The following GRM7 variants were observed in gnomAD, a reference collection of about 807,000 sequenced individuals.
The protein encoded by GRM7 is glutamate metabotropic receptor 7.
Under a neutral mutation model 84.5 loss-of-function variants are expected in GRM7, and 35 were observed. The observed-to-expected ratio is 0.41, with a 90% CI of 0.32 to 0.55. GRM7 has a LOEUF of 0.55. GRM7 is among the 20% of genes least tolerant of loss of function. The pLI is 0.19. For synonymous variants in GRM7, 487 were observed against 455.1 expected (o/e 1.07, Z -0.89); for missense variants, 1,003 against 1,194.6 (o/e 0.84, Z 2.36).
intron 5 of GRM7, among the ~76,000 whole-genome samples, chr3:7,420,256 A>C (rs1696340623): frequency 6.8e-6 from 1 of 147,044 alleles, no homozygotes; most frequent in Admixed American, 7.0e-5. Context: ...TATGTGCAGA[A>C]ATAATTGATG....
At chr3:6,988,097 C>T (rs1158235454) in intron 1 of GRM7, among the ~76,000 whole-genome samples, 1 of 149,470 alleles carries the variant, frequency 6.7e-6, no homozygotes, top group Non-Finnish European at 1.5e-5. Flanking sequence ...CCTGGGTTCA[C>T]GCCATTCTCC....
At chr3:7,281,761 C>T (rs1699256933) in intron 2 of GRM7, among the ~76,000 whole-genome samples, 2 of 152,274 alleles carry the variant, frequency 1.3e-5, no homozygotes, top group Admixed American at 1.3e-4. Flanking sequence ...TCAGGTCCCA[C>T]CCCAGACCTA....
At chr3:7,513,032 C>T (rs1029492038) in intron 7 of GRM7, among the ~76,000 whole-genome samples, 2 of 152,126 alleles carry the variant, frequency 1.3e-5, no homozygotes, top group African/African-American at 4.8e-5. Context: ...GGCAGTAGTA[C>T]CTGGAGAAAA....
In GRM7 at chr3:7,518,897, G is replaced by A. The variant is rs535412121; in HGVS notation, c.1515+57175G>A. On this transcript the variant is annotated intron_variant, in intron 7 of 9. Transcript: ENST00000357716. Reference sequence around the variant, plus strand: ...TTTAACATTTAAGATTTAGCTGGTCGTTTTTAAAAATAACATTTAAAAAAT... The same window carrying A: ...TTTAACATTTAAGATTTAGCTGGTCATTTTTAAAAATAACATTTAAAAAAT... 6.6e-5 allele frequency among the ~76,000 whole-genome samples: 10 copies of A among 152,232 alleles called. No homozygotes were observed. In the East Asian group the frequency reaches 1.5e-3, roughly 24 times the overall value.
chr3:7,477,599 C>G (rs932128337), intron 7 of GRM7, among the ~76,000 whole-genome samples: 2 of 152,206 alleles, frequency 1.3e-5, no homozygotes, highest in Non-Finnish European at 2.9e-5. Flanking sequence ...GACTTTGGGG[C>G]TGCATCTCAC....
chr3:7,578,364 C>G, intron 7 of GRM7, 58 bp from the exon 8 acceptor site: 2 of 1,192,366 alleles, frequency 1.7e-6, no homozygotes, highest in Non-Finnish European at 2.4e-6. Flanking sequence ...TGCTGGTGTT[C>G]TTTTTCTATT....
At chr3:7,222,980 C>A (rs376415147) in intron 2 of GRM7, among the ~76,000 whole-genome samples, 4 of 152,032 alleles carry the variant, frequency 2.6e-5, no homozygotes, top group African/African-American at 9.7e-5. Context: ...TATACATTTT[C>A]TTTCTCATAT....
chr3:6,988,235 T>C (rs886188904), intron 1 of GRM7, among the ~76,000 whole-genome samples: 3 of 143,962 alleles, frequency 2.1e-5, no homozygotes, highest in Non-Finnish European at 4.5e-5. Context: ...GGTCTCGATC[T>C]CCTGACCTCA....
intron 8 of GRM7, among the ~76,000 whole-genome samples, chr3:7,675,376 G>C (rs1700082126): frequency 6.6e-6 from 1 of 152,180 alleles, no homozygotes; most frequent in South Asian, 2.1e-4. Context: ...AACCTACACA[G>C]GAGAGCTGGC....
intron 9 of GRM7, among the ~76,000 whole-genome samples, chr3:7,732,369 T>G (rs1464952063): frequency 6.6e-6 from 1 of 152,170 alleles, no homozygotes; most frequent in Non-Finnish European, 1.5e-5. Flanking sequence ...GAAACACACA[T>G]GAGAAATTAG....
intron 7 of GRM7, among the ~76,000 whole-genome samples, chr3:7,509,168 C>A (rs1700122756): frequency 6.6e-6 from 1 of 152,000 alleles, no homozygotes; most frequent in Admixed American, 6.6e-5. Context: ...ATCATATCAA[C>A]AAATCACAGG....
At chr3:7,646,731 A>C (rs548466966) in intron 8 of GRM7, among the ~76,000 whole-genome samples, 17 of 152,232 alleles carry the variant, frequency 1.1e-4, no homozygotes, top group African/African-American at 4.1e-4. Context: ...CATGTATGAG[A>C]AGTTGGAGGA....
chr3:7,033,201 C>A (rs1276954169), intron 1 of GRM7, among the ~76,000 whole-genome samples: 1 of 151,832 alleles, frequency 6.6e-6, no homozygotes, highest in East Asian at 1.9e-4. Flanking sequence ...TGTGTCTTTT[C>A]TCTTTTAAGG....
intron 1 of GRM7, among the ~76,000 whole-genome samples, chr3:6,865,094 G>C (rs1178592204): frequency 6.6e-6 from 1 of 152,180 alleles, no homozygotes; most frequent in African/African-American, 2.4e-5. Context: ...CTGCCAACTA[G>C]AATTAAATCA....
At chr3:7,244,641 C>A (rs763441541) in intron 2 of GRM7, among the ~76,000 whole-genome samples, 6 of 151,988 alleles carry the variant, frequency 3.9e-5, no homozygotes, top group Non-Finnish European at 5.9e-5. Flanking sequence ...AACTCTGAAC[C>A]AAACTCCCAC....
chr3:7,396,971 T>C (rs1424573186), intron 4 of GRM7, among the ~76,000 whole-genome samples: 1 of 152,112 alleles, frequency 6.6e-6, no homozygotes, highest in Non-Finnish European at 1.5e-5. Flanking sequence ...GAGCCTTTCT[T>C]GTGAATCTTC....
chr3:6,863,058 A>C lies in GRM7; in HGVS notation c.519+1151A>C. 2 of 453,468 alleles carry C rather than the reference A, an allele frequency of 4.4e-6. No individual in the cohort carries two copies. Among genetic ancestry groups the C allele is most frequent in the Non-Finnish European group, 8.9e-6 (2 of 225,860 alleles). The allele number at this position is 453,468 out of a possible 1,614,324, so 28.1% of individuals were successfully genotyped here. A position where few individuals can be genotyped will look rare whatever the true frequency, so the allele number is the denominator to read the frequency against. The stretch of plus-strand genomic sequence containing the variant: ...TGAGTTTCAGGGTCTCTGTGATTGT[A>C]GGTTCCCTCCTCTGTGTCTTTCCCT... On this transcript the variant is annotated intron_variant, in intron 1 of 9. Transcript: ENST00000357716. This position sits in a 1 kb window ranked among gnomAD's most constrained non-coding sequence, Gnocchi z 4.8.
intron 2 of GRM7, among the ~76,000 whole-genome samples, chr3:7,177,693 TG>T (rs1180318567): frequency 1.3e-5 from 2 of 152,074 alleles, no homozygotes; most frequent in Non-Finnish European, 2.9e-5. Context: ...ATTTTTATTT[TG>T]TTTTTAAATA....
intron 2 of GRM7, among the ~76,000 whole-genome samples, chr3:7,171,595 T>C (rs1335573491): frequency 4.6e-5 from 7 of 152,214 alleles, no homozygotes; most frequent in African/African-American, 1.7e-4. Context: ...GGTGGATATC[T>C]ACCTCCTCCA....
Sources: allele counts gnomAD v4.1 joint callset (sites outside exome capture counted in the v4.1 genomes callset), GRCh38; gene constraint gnomAD v4.1.1; non-coding constraint Gnocchi (gnomAD v3.1); transcripts MANE v1.5; gene names NCBI Gene and HGNC (gene_info 2026-07-23, HGNC 2026-07-21).